The following JAK1 variants were observed in gnomAD, a reference collection of about 807,000 sequenced individuals.
JAK1 encodes the protein tyrosine-protein kinase JAK1.
A neutral mutation model predicts 136.6 loss-of-function variants in JAK1; 16 were observed. That is an observed-to-expected ratio of 0.12 (90% CI 0.08 to 0.18). The LOEUF (loss-of-function observed/expected upper bound fraction) is 0.18, where lower values mean the gene tolerates loss of function less well. Ranked by LOEUF, JAK1 falls within the 10% of genes least tolerant of loss-of-function variation. JAK1 has a pLI of 1.00. For missense variants in JAK1, 859 were observed against 1,450.1 expected (o/e 0.59, Z 6.62); for synonymous variants, 492 against 519.5 (o/e 0.95, Z 0.72).
At chr1:65,053,125 C>G (rs1174667979) in intron 1 of JAK1, among the ~76,000 whole-genome samples, 1 of 150,196 alleles carries the variant, frequency 6.7e-6, no homozygotes, top group East Asian at 2.0e-4. Flanking sequence ...GTAGGCAGAT[C>G]ACCTGAGGTC....
chr1:64,833,553 A>G lies in JAK1; in HGVS notation c.*1009T>C, dbSNP rs562942074. On this transcript the variant is annotated 3_prime_UTR_variant, in exon 25 of 25. Coordinates refer to ENST00000342505, the MANE Select transcript of JAK1 (RefSeq NM_002227.4). The stretch of plus-strand genomic sequence containing the variant: ...AACTGTCTAGTGGATCCTGAAGTCC[A>G]TAGTGCCTCTAGCCGGGTCTTTCAA... 3 of 232,948 alleles carry G rather than the reference A, an allele frequency of 1.3e-5. No homozygotes were observed. The highest frequency in any genetic ancestry group is 1.7e-5 in the Non-Finnish European group (2 of 117,874). 14.4% of individuals were successfully genotyped at this position (232,948 alleles called of 1,614,324 possible).
intron 1 of JAK1, among the ~76,000 whole-genome samples, chr1:65,055,623 C>T (rs2993617): frequency 0.94 from 142,362 of 152,240 alleles, 66,645 homozygotes; most frequent in East Asian, 1. Context: ...ACCAAACACA[C>T]ACTGTGTTTT....
At chr1:64,894,935 G>A (rs902565841) in intron 1 of JAK1, among the ~76,000 whole-genome samples, 2 of 152,134 alleles carry the variant, frequency 1.3e-5, no homozygotes, top group African/African-American at 4.8e-5. Flanking sequence ...ACTGCTGGCA[G>A]AGCTCTCAGC....
upstream of JAK1, among the ~76,000 whole-genome samples, chr1:64,967,316 T>G (rs1351105275): frequency 6.6e-6 from 1 of 152,192 alleles, no homozygotes; most frequent in African/African-American, 2.4e-5. Context: ...CACTTGTCTA[T>G]GTTCCGGCAA....
chr1:64,848,489 G>A (rs960561287), intron 12 of JAK1, among the ~76,000 whole-genome samples: 1 of 152,160 alleles, frequency 6.6e-6, no homozygotes, highest in African/African-American at 2.4e-5. Flanking sequence ...GGTGGAGCCT[G>A]GGGTGATGTG....
At chr1:64,860,419 C>CATTCATTT (rs1656220608) in intron 8 of JAK1, among the ~76,000 whole-genome samples, 157 bp from the exon 9 acceptor site, 2 of 73,878 alleles carry the variant, frequency 2.7e-5, no homozygotes, top group South Asian at 3.9e-4. Flanking sequence ...CCCTTGCATG[C>CATTCATTT]ATTTATTTAT....
intron 1 of JAK1, among the ~76,000 whole-genome samples, chr1:64,890,052 T>C (rs1019524738): frequency 2.6e-5 from 4 of 152,214 alleles, no homozygotes; most frequent in African/African-American, 9.6e-5. Flanking sequence ...CTAAAATGTT[T>C]ATGAATTAAG....
intron 2 of JAK1, among the ~76,000 whole-genome samples, chr1:65,012,006 A>C (rs1646853347): frequency 6.6e-6 from 1 of 152,206 alleles, no homozygotes; most frequent in South Asian, 2.1e-4. Flanking sequence ...TCAGGAAAAG[A>C]GGGCCCAGTT....
intron 2 of JAK1, among the ~76,000 whole-genome samples, chr1:64,978,200 C>T (rs970964583): frequency 3.3e-5 from 5 of 152,106 alleles, no homozygotes; most frequent in Non-Finnish European, 5.9e-5. Flanking sequence ...ATTGCTTGAA[C>T]TCAAGAGGCA....
At chr1:64,863,310 G>GGGGCCTAATATCCAGGATGCAGCATATA (rs1557644639) in intron 8 of JAK1, among the ~76,000 whole-genome samples, 1 of 108,730 alleles carries the variant, frequency 9.2e-6, no homozygotes, top group African/African-American at 3.6e-5. Flanking sequence ...TGCAGCATAT[G>GGGGCCTAATATCCAGGATGCAGCATATA]ACACGGGGCC....
At chr1:64,848,490 G>C (rs994688532) in intron 12 of JAK1, among the ~76,000 whole-genome samples, 4 of 151,910 alleles carry the variant, frequency 2.6e-5, no homozygotes, top group Admixed American at 2.6e-4. Context: ...GTGGAGCCTG[G>C]GGTGATGTGT....
intron 17 of JAK1, among the ~76,000 whole-genome samples, chr1:64,842,190 G>C (rs1313155710): frequency 6.6e-6 from 1 of 151,850 alleles, no homozygotes; most frequent in Non-Finnish European, 1.5e-5. Flanking sequence ...CCCCAATTTT[G>C]TTTAAAAAAG....
chr1:65,016,343 C>A (rs147907673), intron 2 of JAK1, among the ~76,000 whole-genome samples: 61 of 152,252 alleles, frequency 4.0e-4, no homozygotes, highest in African/African-American at 1.4e-3. Flanking sequence ...TTAAATGGGC[C>A]GAGCATGGTG....
At chr1:64,837,894 T>G (rs555769117) in intron 22 of JAK1, 38 bp downstream of exon 22, 2 of 1,568,596 alleles carry the variant, frequency 1.3e-6, no homozygotes, top group African/African-American at 1.3e-5. Context: ...GTAAACTCTA[T>G]GAAGCATTGA....
chr1:64,930,016 T>C (rs1326419825), intron 1 of JAK1, among the ~76,000 whole-genome samples: 1 of 152,190 alleles, frequency 6.6e-6, no homozygotes, highest in Non-Finnish European at 1.5e-5. Context: ...CCTTACACCT[T>C]ATACAAAAAT....
intron 2 of JAK1, chr1:65,023,004 C>T (rs1180852130): frequency 1.3e-5 from 2 of 152,034 alleles, no homozygotes; most frequent in Admixed American, 1.3e-4. Flanking sequence ...TCCTGTCATC[C>T]TTACACAGGG....
chr1:64,904,202 G>A (rs191270578), intron 1 of JAK1, among the ~76,000 whole-genome samples: 22 of 152,320 alleles, frequency 1.4e-4, no homozygotes, highest in Admixed American at 1.4e-3. Flanking sequence ...ACAGTCAGGA[G>A]TGACACAGTA....
rs1214938986 is a variant in JAK1, at chr1:65,001,009, C to T, written c.-78+43471G>A. Reference sequence around the variant, plus strand: ...GCTCCAACTCTACTAAGAGGCCATTCATATTCCCAACATTCCAGGGTGCCC... The same window carrying T: ...GCTCCAACTCTACTAAGAGGCCATTTATATTCCCAACATTCCAGGGTGCCC... On this transcript the variant is annotated intron_variant, in intron 2 of 25. Transcript: ENST00000671954. Among the ~76,000 whole-genome samples the T allele has an allele frequency of 2.0e-5, 3 of 152,040 alleles. No individual in the cohort carries two copies. In the East Asian group the frequency reaches 5.8e-4, roughly 29 times the overall value.
chr1:64,901,624 G>A (rs193113545), intron 1 of JAK1, among the ~76,000 whole-genome samples: 92 of 152,252 alleles, frequency 6.0e-4, no homozygotes, highest in Admixed American at 1.7e-3. Context: ...AGTTTTAAAA[G>A]TATTCTCTTA....
Sources: gnomAD v4.1 joint callset for allele counts (sites outside exome capture counted in the v4.1 genomes callset) on GRCh38, gnomAD v4.1.1 for gene constraint, MANE v1.5 for transcripts, NCBI Gene and HGNC (gene_info 2026-07-23, HGNC 2026-07-21) for gene names.